BTBD9: variants seen among roughly 807,000 people sequenced by gnomAD.
BTBD9 encodes the protein BTB domain containing 9, also known as BTB/POZ domain-containing protein 9.
A neutral mutation model predicts 64.3 loss-of-function variants in BTBD9; 49 were observed. The observed-to-expected ratio is 0.76, with a 90% CI of 0.61 to 0.97. The LOEUF (loss-of-function observed/expected upper bound fraction) is 0.97, where lower values mean the gene tolerates loss of function less well. BTBD9 is among the 50% of genes least tolerant of loss of function. BTBD9 has a pLI of 0.00. For missense variants in BTBD9, 598 were observed against 762.1 expected (o/e 0.78, Z 2.53); for synonymous variants, 260 against 274.7 (o/e 0.95, Z 0.53).
At chr6:38,215,639 T>C (rs1469423917) in intron 9 of BTBD9, among the ~76,000 whole-genome samples, 2 of 152,194 alleles carry the variant, frequency 1.3e-5, no homozygotes, top group African/African-American at 4.8e-5. Flanking sequence ...AAGCATAAAG[T>C]AGATTTTCCT....
chr6:38,309,481 C>T (rs1239202294), intron 7 of BTBD9, among the ~76,000 whole-genome samples: 1 of 151,392 alleles, frequency 6.6e-6, no homozygotes, highest in East Asian at 2.0e-4. Context: ...GATGTGATCT[C>T]GGCTCACTGC....
chr6:38,474,775 G>T (rs1022362226), intron 6 of BTBD9, among the ~76,000 whole-genome samples: 1 of 151,930 alleles, frequency 6.6e-6, no homozygotes, highest in Non-Finnish European at 1.5e-5. Flanking sequence ...TTCATTTCCA[G>T]GGCCAAATTT....
intron 9 of BTBD9, among the ~76,000 whole-genome samples, chr6:38,197,073 G>A (rs933235737): frequency 6.6e-6 from 1 of 152,108 alleles, no homozygotes; most frequent in Non-Finnish European, 1.5e-5. Context: ...CATGGTAGGC[G>A]GTCTGTTAAT....
intron 6 of BTBD9, among the ~76,000 whole-genome samples, chr6:38,449,194 A>C (rs1769410552): frequency 6.6e-6 from 1 of 152,218 alleles, no homozygotes. Context: ...CTAAAATCAC[A>C]GGTAGAAGAG....
intron 6 of BTBD9, among the ~76,000 whole-genome samples, chr6:38,402,639 C>T (rs1270135511): frequency 6.6e-6 from 1 of 152,138 alleles, no homozygotes; most frequent in Admixed American, 6.5e-5. Flanking sequence ...TAGACTCTTG[C>T]CTCACACTGT....
intron 1 of BTBD9, among the ~76,000 whole-genome samples, chr6:38,602,023 A>G (rs1692728244): frequency 6.6e-6 from 1 of 152,218 alleles, no homozygotes; most frequent in Non-Finnish European, 1.5e-5. Flanking sequence ...AAGATTTAAG[A>G]AAAATACAAA....
chr6:38,474,161 T>C (rs1770776464), intron 6 of BTBD9, among the ~76,000 whole-genome samples: 1 of 152,086 alleles, frequency 6.6e-6, no homozygotes, highest in South Asian at 2.1e-4. Flanking sequence ...CTCTAACTGC[T>C]GAGTAGAAAA....
intron 8 of BTBD9, among the ~76,000 whole-genome samples, chr6:38,277,422 C>T (rs1456714501): frequency 6.6e-6 from 1 of 152,008 alleles, no homozygotes; most frequent in Non-Finnish European, 1.5e-5. Flanking sequence ...CAACCTCTGC[C>T]TCCTGTGCTC....
rs531807360 is a variant in BTBD9 at position 38,245,581 on chromosome 6, T to A, written c.1562+10828A>T. 2.0e-5 allele frequency among the ~76,000 whole-genome samples: 3 copies of A among 152,194 alleles called. No homozygotes were observed. In the South Asian group the frequency reaches 6.2e-4, roughly 32 times the overall value. ...GGGCACTCTAGGCCACGCAAAGAATTCTGTTCTTGATTCAGAGAGCAGCAG... is the reference window on the plus strand; with the variant it reads ...GGGCACTCTAGGCCACGCAAAGAATACTGTTCTTGATTCAGAGAGCAGCAG... On this transcript the variant is annotated intron_variant, in intron 9 of 10. Coordinates refer to ENST00000481247, the MANE Select transcript of BTBD9 (RefSeq NM_001099272.2).
chr6:38,308,881 C>G (rs566779521), intron 7 of BTBD9, among the ~76,000 whole-genome samples: 10 of 152,020 alleles, frequency 6.6e-5, no homozygotes, highest in East Asian at 3.9e-4. Context: ...CCTCAGCCCC[C>G]CAAAGTGCTG....
chr6:38,562,062 T>A (rs1337950543), intron 6 of BTBD9, among the ~76,000 whole-genome samples: 2 of 152,248 alleles, frequency 1.3e-5, no homozygotes, highest in Non-Finnish European at 2.9e-5. Context: ...TGTATTTTTC[T>A]TAAGAAGCCA....
intron 1 of BTBD9, among the ~76,000 whole-genome samples, chr6:38,611,059 C>G (rs1777602831): frequency 6.6e-6 from 1 of 152,034 alleles, no homozygotes; most frequent in Non-Finnish European, 1.5e-5. Context: ...CATAAGCAAG[C>G]AGACCTCATA....
intron 8 of BTBD9, among the ~76,000 whole-genome samples, chr6:38,288,057 T>TCTA (rs1352575391): frequency 1.3e-5 from 2 of 152,182 alleles, no homozygotes; most frequent in African/African-American, 4.8e-5. Context: ...CCTCCATGAG[T>TCTA]CTAACTTCAG....
intron 7 of BTBD9, among the ~76,000 whole-genome samples, chr6:38,299,788 T>G (rs1762315337): frequency 6.6e-6 from 1 of 152,230 alleles, no homozygotes; most frequent in Non-Finnish European, 1.5e-5. Context: ...TTGCAAAAAT[T>G]TTCTCCCATT....
In BTBD9 at chr6:38,476,030, C is replaced by T. The variant is rs115070030; in HGVS notation, c.1154+101570G>A. ...GGCTAATTAAGTCTGGAAATGTCCA[C>T]TCGATTTCCTGAATGTCCATTTGGC... is the stretch of plus-strand genomic sequence containing the variant. On this transcript the variant is annotated intron_variant, in intron 6 of 10. Coordinates refer to ENST00000481247, the MANE Select transcript of BTBD9 (RefSeq NM_001099272.2). 7.3e-3 allele frequency among the ~76,000 whole-genome samples: 1,114 copies of T among 152,266 alleles called. 9 individuals are homozygous for T. The highest frequency in any genetic ancestry group is 0.025 in the African/African-American group (1,054 of 41,540).
At chr6:38,267,331 A>G (rs896835765) in intron 8 of BTBD9, among the ~76,000 whole-genome samples, 2 of 152,270 alleles carry the variant, frequency 1.3e-5, no homozygotes, top group African/African-American at 4.8e-5. Context: ...AGACAGACAC[A>G]TTAAAGAGCT....
chr6:38,356,093 C>CT (rs757865345), intron 6 of BTBD9, among the ~76,000 whole-genome samples: 140 of 151,366 alleles, frequency 9.2e-4, no homozygotes, highest in African/African-American at 2.9e-3. Flanking sequence ...TTCCTTTTGT[C>CT]TTTTTTTTTA....
chr6:38,403,416 T>A lies in BTBD9; in HGVS notation c.1155-58323A>T, dbSNP rs9394495. Reference sequence around the variant, plus strand: ...AAAACCAACTCAATTTAAAAAGGCATAAAGAATCTGGATAAGACGTTTTCC... The same window carrying A: ...AAAACCAACTCAATTTAAAAAGGCAAAAAGAATCTGGATAAGACGTTTTCC... On this transcript the variant is annotated intron_variant, in intron 6 of 10. Coordinates refer to ENST00000481247, the MANE Select transcript of BTBD9 (RefSeq NM_001099272.2). Among the ~76,000 whole-genome samples, 150 of 152,112 alleles carry A rather than the reference T, an allele frequency of 9.9e-4. No individual in the cohort carries two copies. The Middle Eastern group carries it at 0.014, about 14-fold the overall frequency.
intron 6 of BTBD9, among the ~76,000 whole-genome samples, chr6:38,433,991 C>T (rs1768581305): frequency 6.6e-6 from 1 of 151,954 alleles, no homozygotes; most frequent in South Asian, 2.1e-4. Context: ...TCTGGCGAGT[C>T]ATGCTCTACA....
Sources: gnomAD v4.1 joint callset for allele counts (sites outside exome capture counted in the v4.1 genomes callset) on GRCh38, gnomAD v4.1.1 for gene constraint, MANE v1.5 for transcripts, NCBI Gene and HGNC (gene_info 2026-07-23, HGNC 2026-07-21) for gene names.